CDH23: variants seen among roughly 807,000 people sequenced by gnomAD.
CDH23 encodes the protein cadherin-23.
In CDH23, 189 loss-of-function variants were observed where a neutral mutation model predicts 317.1. That is an observed-to-expected ratio of 0.60 (90% confidence interval 0.53 to 0.67). The LOEUF (loss-of-function observed/expected upper bound fraction) is 0.67. Ranked by LOEUF, CDH23 falls within the 30% of genes least tolerant of loss-of-function variation. The pLI, the probability that CDH23 is intolerant of heterozygous loss-of-function variation, is 0.00. For missense variants in CDH23, 4,401 were observed against 4,592.4 expected, an observed-to-expected ratio of 0.96 and a Z score of 1.20; for synonymous variants, 1,839 against 1,876.8, an observed-to-expected ratio of 0.98 and a Z score of 0.52.
At chr10:71,720,353 C>A (rs979661346) in intron 28 of CDH23, among the ~76,000 whole-genome samples, 3 of 151,970 alleles carry the variant, frequency 2.0e-5, no homozygotes, top group South Asian at 2.1e-4. Context: ...GACTGACGGA[C>A]CTCCAAGGCC....
At chr10:71,426,827 A>G (rs1156643499) in intron 1 of CDH23, among the ~76,000 whole-genome samples, 2 of 152,072 alleles carry the variant, frequency 1.3e-5, no homozygotes, top group African/African-American at 4.8e-5. Context: ...GTCACAGCCT[A>G]TTTTGGAACA....
At position 71,689,186 on chromosome 10, in the gene CDH23, G is replaced by T. The variant is rs1238046697; in HGVS notation, c.2060-1282G>T. 1.7e-4 allele frequency among the ~76,000 whole-genome samples: 23 copies of T among 133,270 alleles called. 3 individuals carry two copies. The highest frequency in any genetic ancestry group is 6.3e-4 in the African/African-American group (22 of 35,080). 87.4% of individuals were successfully genotyped at this position (133,270 alleles called of 152,430 possible). On this transcript the variant is annotated intron_variant, in intron 19 of 69. Coordinates refer to ENST00000224721, the MANE Select transcript of CDH23 (RefSeq NM_022124.6). ...GTGGAGTCAGGGGTGGTAGAGTCAG[G>T]GGTGGTGGAGCCAGGGTTGGTGGAG...
Position 71,424,778 on chromosome 10 carries a change from A to C in CDH23, c.-5-15049A>C, listed in dbSNP as rs555912197. ...CATAGACAGTGACACTGTCACACAC[A>C]GCAGAGCTCCAGCTGCACCACACTA... On this transcript the variant is annotated intron_variant, in intron 1 of 69. Coordinates refer to ENST00000224721, the MANE Select transcript of CDH23 (RefSeq NM_022124.6). Among the ~76,000 whole-genome samples the C allele has an allele frequency of 3.3e-5, 5 of 152,350 alleles. No homozygotes were observed. In the South Asian group the frequency reaches 8.3e-4, roughly 25 times the overall value.
At chr10:71,704,521 C>T (rs1865706219) in intron 24 of CDH23, among the ~76,000 whole-genome samples, 1 of 152,212 alleles carries the variant, frequency 6.6e-6, no homozygotes, top group Non-Finnish European at 1.5e-5. Flanking sequence ...TGAATCCAGC[C>T]TTCTACGTGG....
intron 14 of CDH23, among the ~76,000 whole-genome samples, chr10:71,661,068 A>G (rs56667076): frequency 0.095 from 14,409 of 152,254 alleles, 1,626 homozygotes; most frequent in African/African-American, 0.25. Context: ...CACTCCCATG[A>G]AAGGGGCATA....
intron 28 of CDH23, among the ~76,000 whole-genome samples, chr10:71,721,952 T>G (rs1866577294): frequency 6.6e-6 from 1 of 152,236 alleles, no homozygotes; most frequent in Non-Finnish European, 1.5e-5. Context: ...CCTTCTCTGC[T>G]AAGCCAGGTT....
chr10:71,543,097 A>T (rs1221854897), intron 6 of CDH23, among the ~76,000 whole-genome samples: 2 of 152,240 alleles, frequency 1.3e-5, no homozygotes, highest in African/African-American at 2.4e-5. Context: ...CCGAATGCAC[A>T]GACTTATGAG....
At chr10:71,541,427 A>G (rs1486191824) in intron 6 of CDH23, among the ~76,000 whole-genome samples, 3 of 152,228 alleles carry the variant, frequency 2.0e-5, no homozygotes, top group Non-Finnish European at 4.4e-5. Flanking sequence ...GAGACTTTGG[A>G]AAGGCAAGTC....
chr10:71,631,846 A>G (rs796478206), intron 11 of CDH23, among the ~76,000 whole-genome samples: 7 of 152,256 alleles, frequency 4.6e-5, no homozygotes, highest in African/African-American at 1.7e-4. Context: ...AAGGGAATTG[A>G]GAATCAGAGG....
chr10:71,652,396 C>T (rs1011211201), intron 14 of CDH23, among the ~76,000 whole-genome samples: 4 of 152,232 alleles, frequency 2.6e-5, no homozygotes, highest in African/African-American at 7.2e-5. Context: ...GTAGTGCCTG[C>T]GCAGCCTGCA....
intron 53 of CDH23, 139 bp downstream of exon 53, chr10:71,800,894 A>C: frequency 8.3e-7 from 1 of 1,207,716 alleles, no homozygotes; most frequent in Non-Finnish European, 1.2e-6. Flanking sequence ...CAGAAAGGAG[A>C]AGGCAAGAGG....
intron 38 of CDH23, among the ~76,000 whole-genome samples, chr10:71,746,312 C>CT (rs770780974): frequency 5.9e-5 from 9 of 152,254 alleles, no homozygotes; most frequent in Non-Finnish European, 8.8e-5. Flanking sequence ...GAGAAATTCT[C>CT]TGAGTCCCTC....
At chr10:71,566,635 T>C (rs1353676356) in intron 6 of CDH23, 107 bp from the exon 7 acceptor site, 2 of 981,966 alleles carry the variant, frequency 2.0e-6, no homozygotes, top group African/African-American at 1.7e-5. Flanking sequence ...AGGCCTCGGG[T>C]CTGGTTGGCT....
chr10:71,490,025 G>C (rs894575982), intron 3 of CDH23, among the ~76,000 whole-genome samples: 2 of 151,902 alleles, frequency 1.3e-5, no homozygotes, highest in East Asian at 1.9e-4. Context: ...CTGCTTGAGG[G>C]GGGTGTTTCC....
At chr10:71,436,126 G>A (rs779946586) in intron 1 of CDH23, among the ~76,000 whole-genome samples, 2 of 152,268 alleles carry the variant, frequency 1.3e-5, no homozygotes, top group Non-Finnish European at 2.9e-5. Flanking sequence ...GGGGAGGATG[G>A]AGGCAGAGTC....
chr10:71,743,329 C>T (rs1238845516), intron 38 of CDH23, among the ~76,000 whole-genome samples: 3 of 152,232 alleles, frequency 2.0e-5, no homozygotes, highest in Non-Finnish European at 4.4e-5. Flanking sequence ...GCAGGTTAGA[C>T]CTCTCCCCTT....
chr10:71,602,866 G>A (rs1379009165), intron 9 of CDH23, among the ~76,000 whole-genome samples: 1 of 152,150 alleles, frequency 6.6e-6, no homozygotes, highest in African/African-American at 2.4e-5. Flanking sequence ...CTCCAAAGAG[G>A]AAACTGAATC....
rs1016362971 is a variant in CDH23 at position 71,463,645 on chromosome 10, A to G, written c.145+17250A>G. On this transcript the variant is annotated intron_variant, in intron 3 of 69. Coordinates refer to ENST00000224721, the MANE Select transcript of CDH23 (RefSeq NM_022124.6). The stretch of plus-strand genomic sequence containing the variant: ...CCTGCCAGGGTGTTCTTGTCTGTAA[A>G]TTAGGACAGTGACTCTCTTGTTACC... Among the ~76,000 whole-genome samples the G allele has an allele frequency of 2.6e-5, 4 of 152,174 alleles. 1 individual carries two copies. The highest frequency in any genetic ancestry group is 2.0e-4 in the Admixed American group (3 of 15,278).
chr10:71,813,780 C>T lies in CDH23; in HGVS notation c.9738+432C>T, dbSNP rs143797534. Among the ~76,000 whole-genome samples the T allele has an allele frequency of 6.0e-3, 909 of 152,070 alleles. 6 individuals carry two copies. The highest frequency in any genetic ancestry group is 8.8e-3 in the Non-Finnish European group (600 of 67,982). On this transcript the variant is annotated intron_variant, in intron 69 of 69. Transcript: ENST00000224721. ...AAAATTAGCCGGGCCTGGTGGCGGA[C>T]GCCTATAATCCCAGCTACTCAGGGG...
Sources: allele counts gnomAD v4.1 joint callset (sites outside exome capture counted in the v4.1 genomes callset), GRCh38; gene constraint gnomAD v4.1.1; transcripts MANE v1.5; gene names NCBI Gene and HGNC (gene_info 2026-07-23, HGNC 2026-07-21).